Variants in SAMD4A observed in about 807,000 individuals in gnomAD.
The protein encoded by SAMD4A is protein Smaug homolog 1.
SAMD4A carries 33 observed loss-of-function variants against 81.3 expected under a neutral mutation model. The ratio of observed to expected loss-of-function variants is 0.41; its 90% CI spans 0.31 to 0.54. SAMD4A has a LOEUF of 0.54. Among genes scored for constraint, SAMD4A ranks in the 20% least tolerant of loss-of-function variants. The pLI, the probability that SAMD4A is intolerant of heterozygous loss-of-function variation, is 0.37. For synonymous variants in SAMD4A, 389 were observed against 382.1 expected, an observed-to-expected ratio of 1.02 and a Z score of -0.21; for missense variants, 854 against 951.1, an observed-to-expected ratio of 0.90 and a Z score of 1.34.
At chr14:54,746,893 G>A (rs575429716) in intron 4 of SAMD4A, among the ~76,000 whole-genome samples, 9 of 152,342 alleles carry the variant, frequency 5.9e-5, no homozygotes, top group South Asian at 2.1e-4. Flanking sequence ...GTAACATGCC[G>A]TTGGCCTGAA....
chr14:54,684,110 A>G (rs1421363739), intron 2 of SAMD4A, among the ~76,000 whole-genome samples: 1 of 152,254 alleles, frequency 6.6e-6, no homozygotes, highest in Non-Finnish European at 1.5e-5. Context: ...GCCCTGTCCC[A>G]GGCATAAATT....
intron 2 of SAMD4A, among the ~76,000 whole-genome samples, chr14:54,637,592 A>G (rs2035067740): frequency 6.6e-6 from 1 of 152,122 alleles, no homozygotes; most frequent in South Asian, 2.1e-4. Context: ...AGTCCGCACC[A>G]TGTGTCAGCA....
intron 2 of SAMD4A, among the ~76,000 whole-genome samples, chr14:54,592,042 G>A (rs910821409): frequency 1.3e-5 from 2 of 151,900 alleles, no homozygotes; most frequent in African/African-American, 4.8e-5. Flanking sequence ...CCTCCTCAAA[G>A]CTCCCCCCTC....
intron 7 of SAMD4A, among the ~76,000 whole-genome samples, chr14:54,762,286 G>A (rs1232409651): frequency 6.6e-6 from 1 of 152,188 alleles, no homozygotes; most frequent in Admixed American, 6.5e-5. Flanking sequence ...GGCAATGCCA[G>A]CACTTTTCCT....
At chr14:54,713,229 C>T (rs966086181) in intron 3 of SAMD4A, among the ~76,000 whole-genome samples, 4 of 152,102 alleles carry the variant, frequency 2.6e-5, no homozygotes, top group East Asian at 3.8e-4. Context: ...TTGAATTTCA[C>T]GGTCTTAGGT....
At chr14:54,784,269 TGGA>T in intron 11 of SAMD4A, 1 of 1,255,824 alleles carries the variant, frequency 8.0e-7, no homozygotes, top group Non-Finnish European at 1.1e-6. Flanking sequence ...GGGAGGCCGC[TGGA>T]GGGTTCTGAG....
At chr14:54,755,263 C>T (rs1261131444) in intron 6 of SAMD4A, among the ~76,000 whole-genome samples, 4 of 151,994 alleles carry the variant, frequency 2.6e-5, no homozygotes, top group Middle Eastern at 3.4e-3. Flanking sequence ...GAAGTGGGGG[C>T]GGGAAATGTA....
At chr14:54,576,782 A>G (rs1425371374) in intron 2 of SAMD4A, among the ~76,000 whole-genome samples, 1 of 152,206 alleles carries the variant, frequency 6.6e-6, no homozygotes, top group Non-Finnish European at 1.5e-5. Context: ...GCAGGTGAGA[A>G]TCTAGTTGTG....
chr14:54,787,902 T>C (rs1446113672), intron 12 of SAMD4A, among the ~76,000 whole-genome samples: 1 of 152,344 alleles, frequency 6.6e-6, no homozygotes, highest in South Asian at 2.1e-4. Flanking sequence ...CTCTTGTTCA[T>C]GGTATGCAAG....
chr14:54,734,326 T>C (rs1413765271), intron 3 of SAMD4A, among the ~76,000 whole-genome samples: 1 of 152,250 alleles, frequency 6.6e-6, no homozygotes, highest in African/African-American at 2.4e-5. Context: ...TGTGAGGCAC[T>C]GTGCTTGGTT....
At chr14:54,762,755 C>T (rs2038434822) in intron 7 of SAMD4A, among the ~76,000 whole-genome samples, 1 of 152,334 alleles carries the variant, frequency 6.6e-6, no homozygotes, top group Admixed American at 6.5e-5. Flanking sequence ...CACCCTCCCC[C>T]AACCCCAAAC....
At position 54,775,064 on chromosome 14, in the gene SAMD4A, A is replaced by G; in HGVS notation, c.1846A>G (p.Thr616Ala). Reference protein sequence around the residue: ...VPSARLGLLGTSGFVSSNQRN... With the variant: ...VPSARLGLLGASGFVSSNQRN... ...TTCCGCCCGCCTGGGCCTCTTGGGC[A>G]CCAGTGGATTCGTCAGCTCCAACCA... Residue 616 changes from threonine (T) to alanine (A), a missense_variant, in exon 10 of 13, where the codon ACC (threonine) becomes GCC (alanine). Physicochemically the swap from Thr to Ala is moderately conservative, Grantham distance 58. This residue lies in a region of SAMD4A where 428 missense variants were observed against 471.2 expected (regional missense o/e 0.91). Coordinates refer to ENST00000554335, the MANE Select transcript of SAMD4A (RefSeq NM_015589.6). 6.2e-7 allele frequency: 1 copy of G among 1,614,126 alleles called. No homozygotes were observed. Among genetic ancestry groups the G allele is most frequent in the Non-Finnish European group, 8.5e-7 (1 of 1,180,018 alleles).
intron 2 of SAMD4A, among the ~76,000 whole-genome samples, chr14:54,667,315 G>C (rs1420066031): frequency 1.3e-5 from 2 of 152,142 alleles, no homozygotes; most frequent in African/African-American, 4.8e-5. Flanking sequence ...AAATGATAAT[G>C]CTTACTGTGT....
chr14:54,707,285 G>A (rs1383432591), intron 3 of SAMD4A, among the ~76,000 whole-genome samples: 4 of 151,552 alleles, frequency 2.6e-5, no homozygotes, highest in Non-Finnish European at 2.9e-5. Flanking sequence ...TGTATTTTTT[G>A]TGGAGACAGG....
At chr14:54,654,873 C>T (rs2035484548) in intron 2 of SAMD4A, among the ~76,000 whole-genome samples, 1 of 152,234 alleles carries the variant, frequency 6.6e-6, no homozygotes, top group Non-Finnish European at 1.5e-5. Flanking sequence ...AGGAAGATGG[C>T]GTAATGACAG....
At chr14:54,612,588 A>G (rs2034387718) in intron 2 of SAMD4A, among the ~76,000 whole-genome samples, 1 of 152,206 alleles carries the variant, frequency 6.6e-6, no homozygotes, top group Non-Finnish European at 1.5e-5. Context: ...TAGCATGAAA[A>G]TGACTTATTT....
At chr14:54,597,529 C>A (rs372185199) in intron 2 of SAMD4A, among the ~76,000 whole-genome samples, 24 of 151,040 alleles carry the variant, frequency 1.6e-4, no homozygotes, top group African/African-American at 5.4e-4. Context: ...CCACCTTGGC[C>A]TTCCAAAGTG....
At chr14:54,722,384 A>C (rs556047100) in intron 3 of SAMD4A, among the ~76,000 whole-genome samples, 1 of 152,320 alleles carries the variant, frequency 6.6e-6, no homozygotes, top group East Asian at 1.9e-4. Context: ...TGCTGTGTTT[A>C]TGCTGTTCAA....
chr14:54,705,808 G>T (rs1428371225), intron 3 of SAMD4A, among the ~76,000 whole-genome samples: 1 of 152,204 alleles, frequency 6.6e-6, no homozygotes. Context: ...CTTCCAGGGA[G>T]CCTGTAATTG....
Sources: allele counts gnomAD v4.1 joint callset (sites outside exome capture counted in the v4.1 genomes callset), GRCh38; gene constraint gnomAD v4.1.1; regional missense constraint gnomAD v4.1.1; transcripts MANE v1.5; gene names NCBI Gene and HGNC (gene_info 2026-07-23, HGNC 2026-07-21).